SAMD12: variants seen among roughly 807,000 people sequenced by gnomAD.
SAMD12 encodes sterile alpha motif domain-containing protein 12.
In SAMD12, 9 loss-of-function variants were observed where a neutral mutation model predicts 15.0. That is an observed-to-expected ratio of 0.60 (90% CI 0.36 to 1.05). The LOEUF is 1.05. Ranked by LOEUF, SAMD12 falls within the 50% of genes least tolerant of loss-of-function variation. SAMD12 has a pLI of 0.01. For synonymous variants in SAMD12, 86 were observed against 90.1 expected, an observed-to-expected ratio of 0.96 and a Z score of 0.25; for missense variants, 230 against 234.2, an observed-to-expected ratio of 0.98 and a Z score of 0.12.
intron 4 of SAMD12, among the ~76,000 whole-genome samples, chr8:118,322,940 A>G (rs1036152137): frequency 1.5e-5 from 2 of 133,756 alleles, no homozygotes; most frequent in East Asian, 4.3e-4. Context: ...TCTTTCCTTC[A>G]TAAGACAAGA....
intron 4 of SAMD12, among the ~76,000 whole-genome samples, chr8:118,326,478 A>C (rs776353914): frequency 1.2e-4 from 18 of 152,180 alleles, no homozygotes; most frequent in Non-Finnish European, 2.6e-4. Context: ...TTAGATTTCC[A>C]GGAGGATGAC....
At chr8:118,578,037 C>A (rs1827194373) in intron 2 of SAMD12, among the ~76,000 whole-genome samples, 1 of 152,160 alleles carries the variant, frequency 6.6e-6, no homozygotes, top group African/African-American at 2.4e-5. Flanking sequence ...ATAGAATCTG[C>A]TGCTCAAATT....
intron 4 of SAMD12, among the ~76,000 whole-genome samples, chr8:118,246,122 C>T (rs192009986): frequency 9.2e-5 from 14 of 152,152 alleles, no homozygotes; most frequent in Non-Finnish European, 1.3e-4. Context: ...GTTGGGAACC[C>T]GTAGATGAAT....
the SAMD12 span, among the ~76,000 whole-genome samples, chr8:118,165,289 A>G: frequency 3.9e-5 from 6 of 152,100 alleles, no homozygotes; most frequent in African/African-American, 4.8e-5. Flanking sequence ...TTGCCCATTT[A>G]TTATAAAAGA....
At chr8:118,240,992 C>G (rs1317672784) in intron 4 of SAMD12, among the ~76,000 whole-genome samples, 1 of 152,134 alleles carries the variant, frequency 6.6e-6, no homozygotes, top group Admixed American at 6.6e-5. Flanking sequence ...CCAGCAGGAG[C>G]CAAGAGCTCG....
chr8:118,414,249 C>T (rs1057478553), intron 3 of SAMD12, among the ~76,000 whole-genome samples: 11 of 152,190 alleles, frequency 7.2e-5, no homozygotes, highest in Admixed American at 2.0e-4. Flanking sequence ...TATGAAAGGG[C>T]ATTGTATTTC....
chr8:118,540,853 T>G (rs11774993), intron 2 of SAMD12, among the ~76,000 whole-genome samples: 64,787 of 152,054 alleles, frequency 0.43, 14,163 homozygotes, highest in Non-Finnish European at 0.48. Flanking sequence ...TCTTCATTCC[T>G]TTCTGATGGG....
chr8:118,217,659 AG>A (rs1354791269), intron 4 of SAMD12, among the ~76,000 whole-genome samples: 2 of 122,826 alleles, frequency 1.6e-5, no homozygotes, highest in Non-Finnish European at 3.9e-5. Flanking sequence ...GAAAGAGAGG[AG>A]AAAAAAAGGA....
chr8:118,527,383 A>T (rs141092187), intron 2 of SAMD12, among the ~76,000 whole-genome samples: 232 of 152,308 alleles, frequency 1.5e-3, no homozygotes, highest in African/African-American at 4.6e-3. Context: ...ATATCATTTC[A>T]TTAACAGAGA....
intron 4 of SAMD12, among the ~76,000 whole-genome samples, chr8:118,290,190 CAG>C (rs1383512463): frequency 5.3e-5 from 8 of 152,188 alleles, no homozygotes; most frequent in Non-Finnish European, 1.0e-4. Context: ...ATGAAAAATC[CAG>C]AGAGGAAAAT....
At chr8:118,365,808 T>G (rs563342832) in intron 4 of SAMD12, among the ~76,000 whole-genome samples, 1 of 152,200 alleles carries the variant, frequency 6.6e-6, no homozygotes, top group East Asian at 1.9e-4. Context: ...CTTTCTATAG[T>G]CGCCAAGCAC....
At chr8:118,395,598 T>G (rs1284725259) in intron 3 of SAMD12, among the ~76,000 whole-genome samples, 1 of 152,152 alleles carries the variant, frequency 6.6e-6, no homozygotes, top group Admixed American at 6.5e-5. Context: ...AAGTAACACT[T>G]TGTTCGCTGT....
chr8:118,448,163 T>G (rs1822975117), intron 2 of SAMD12, among the ~76,000 whole-genome samples: 1 of 152,210 alleles, frequency 6.6e-6, no homozygotes, highest in African/African-American at 2.4e-5. Flanking sequence ...GATACCTACA[T>G]GGCTAATACC....
intron 3 of SAMD12, among the ~76,000 whole-genome samples, chr8:118,392,656 T>C (rs1417401448): frequency 6.6e-6 from 1 of 152,204 alleles, no homozygotes; most frequent in Non-Finnish European, 1.5e-5. Context: ...ATTTATCACA[T>C]GTCAAATTTC....
At chr8:118,454,108 C>G (rs1823166762) in intron 2 of SAMD12, among the ~76,000 whole-genome samples, 1 of 152,196 alleles carries the variant, frequency 6.6e-6, no homozygotes, top group Admixed American at 6.5e-5. Flanking sequence ...TTTGCTGGAA[C>G]ATATTCATAA....
chr8:118,144,336 T>G, the SAMD12 span, among the ~76,000 whole-genome samples: 1 of 152,176 alleles, frequency 6.6e-6, no homozygotes, highest in East Asian at 1.9e-4. Flanking sequence ...CTCTCCCACT[T>G]CTATTATTGC....
chr8:118,205,050 T>C (rs754531101), intron 4 of SAMD12, among the ~76,000 whole-genome samples: 12 of 152,336 alleles, frequency 7.9e-5, no homozygotes, highest in Middle Eastern at 3.4e-3. Context: ...GTAAAGCAGA[T>C]AGCCCTCCCT....
At chr8:118,551,629 G>C (rs940946944) in intron 2 of SAMD12, among the ~76,000 whole-genome samples, 1 of 151,652 alleles carries the variant, frequency 6.6e-6, no homozygotes, top group East Asian at 1.9e-4. Context: ...AGAAAAGCAA[G>C]AGCAAACACA....
chr8:118,170,775 G>T, the SAMD12 span, among the ~76,000 whole-genome samples: 2,037 of 152,148 alleles, frequency 0.013, 59 homozygotes, highest in African/African-American at 0.047. Context: ...CTAGGCAATG[G>T]TTTGTTGAAT....
Sources: gnomAD v4.1 joint callset for allele counts (sites outside exome capture counted in the v4.1 genomes callset) on GRCh38, gnomAD v4.1.1 for gene constraint, MANE v1.5 for transcripts, NCBI Gene and HGNC (gene_info 2026-07-23, HGNC 2026-07-21) for gene names.